Variants in OSBPL8 observed in about 807,000 individuals in gnomAD.
OSBPL8 encodes oxysterol-binding protein-related protein 8.
In OSBPL8, 59 loss-of-function variants were observed where a neutral mutation model predicts 125.5. The ratio of observed to expected loss-of-function variants is 0.47; its 90% CI spans 0.38 to 0.58. OSBPL8 has a LOEUF of 0.58. OSBPL8 is among the 20% of genes least tolerant of loss of function. The pLI is 0.00. For synonymous variants in OSBPL8, 330 were observed against 338.9 expected (o/e 0.97, Z 0.29); for missense variants, 758 against 1,047.8 (o/e 0.72, Z 3.82).
intron 17 of OSBPL8, among the ~76,000 whole-genome samples, chr12:76,375,044 C>CA (rs2136215411): frequency 6.6e-6 from 1 of 152,192 alleles, no homozygotes; most frequent in East Asian, 1.9e-4. Context: ...AGATGAAAAA[C>CA]AAAAAATGTC....
intron 4 of OSBPL8, among the ~76,000 whole-genome samples, chr12:76,433,356 T>C (rs1268437931): frequency 6.6e-6 from 1 of 152,052 alleles, no homozygotes; most frequent in Non-Finnish European, 1.5e-5. Flanking sequence ...GTTTTAAAAC[T>C]AATAAACAAA....
At chr12:76,356,162 T>TGGGGGGGGAGGGGGGGGG (rs1951977973) in intron 23 of OSBPL8, 141 bp from the exon 24 acceptor site, 1 of 131,834 alleles carries the variant, frequency 7.6e-6, no homozygotes, top group African/African-American at 3.4e-5. Flanking sequence ...TATGTAGGGG[T>TGGGGGGGGAGGGGGGGGG]GGGGGGGGGC....
rs370577195 is a variant in OSBPL8, at chr12:76,384,241, C to A, written c.1630+13G>T. The stretch of plus-strand genomic sequence containing the variant: ...TCCCAGGAGAGGGTGCAAGTTGGGA[C>A]GGGAAAACTCACCATAAAACTTAGA... On this transcript the variant is annotated intron_variant, in intron 15 of 23. Coordinates refer to ENST00000261183, the MANE Select transcript of OSBPL8 (RefSeq NM_020841.5). 2 of 1,440,180 alleles carry A rather than the reference C, an allele frequency of 1.4e-6. No homozygotes were observed. The highest frequency in any genetic ancestry group is 1.5e-5 in the South Asian group (1 of 67,344). The allele number at this position is 1,440,180 out of a possible 1,614,324, so 89.2% of individuals were successfully genotyped here.
At chr12:76,513,286 A>G (rs769785992) in intron 1 of OSBPL8, among the ~76,000 whole-genome samples, 3 of 152,202 alleles carry the variant, frequency 2.0e-5, no homozygotes, top group Admixed American at 6.5e-5. Context: ...CTGTGGTCCA[A>G]GAGCGTGTTT....
Position 76,378,561 on chromosome 12 carries a change from ATGT to A in OSBPL8, c.1631-14_1631-12del, listed in dbSNP as rs764757197. The A allele has an allele frequency of 1.9e-5, 30 of 1,546,484 alleles. No homozygotes were observed. The East Asian group carries it at 5.8e-4, about 30-fold the overall frequency. On this transcript the variant is annotated splice_polypyrimidine_tract_variant and intron_variant, in intron 15 of 23. Coordinates refer to ENST00000261183, the MANE Select transcript of OSBPL8 (RefSeq NM_020841.5). Reference sequence around the variant, plus strand: ...CAGATAATGAGTTTCCTGAAATAAAATGTTGTTTATTAAATTTCACAAAACTTA... The same window carrying A: ...CAGATAATGAGTTTCCTGAAATAAAATGTTTATTAAATTTCACAAAACTTA...
At chr12:76,461,245 TTAG>T (rs1874686325) in intron 2 of OSBPL8, among the ~76,000 whole-genome samples, 1 of 152,144 alleles carries the variant, frequency 6.6e-6, no homozygotes, top group Non-Finnish European at 1.5e-5. Flanking sequence ...TCTTCTGGGA[TTAG>T]ATTATAAAGA....
chr12:76,507,733 G>A (rs1592813365), intron 1 of OSBPL8, among the ~76,000 whole-genome samples: 1 of 151,226 alleles, frequency 6.6e-6, no homozygotes, highest in Non-Finnish European at 1.5e-5. Context: ...TGAGGCAGGA[G>A]AAATCACTTG....
intron 2 of OSBPL8, among the ~76,000 whole-genome samples, chr12:76,465,471 A>C (rs1875298826): frequency 6.6e-6 from 1 of 152,186 alleles, no homozygotes; most frequent in Middle Eastern, 3.4e-3. Context: ...TAGGCAGGAG[A>C]ATGGCATGAA....
rs201155062 is a variant in OSBPL8 at position 76,555,507 on chromosome 12, AAT to A, written c.-68+3888_-68+3889del. 2.9e-3 allele frequency among the ~76,000 whole-genome samples: 443 copies of A among 152,340 alleles called. 2 individuals carry two copies. Among genetic ancestry groups the A allele is most frequent in the African/African-American group, 0.01 (426 of 41,570 alleles). The stretch of plus-strand genomic sequence containing the variant: ...TTAGAGTTCATGATAAACGAATCAA[AAT>A]ATGTTTTAAAGATCTGCAGACAAAC... On this transcript the variant is annotated intron_variant, in intron 1 of 23. Transcript: ENST00000261183.
chr12:76,503,028 T>C (rs1048425110), intron 1 of OSBPL8, among the ~76,000 whole-genome samples: 1 of 152,136 alleles, frequency 6.6e-6, no homozygotes, highest in African/African-American at 2.4e-5. Flanking sequence ...ACAAGAAAAA[T>C]GAACATCACC....
chr12:76,548,482 T>A (rs1817505796), intron 1 of OSBPL8, among the ~76,000 whole-genome samples: 1 of 152,160 alleles, frequency 6.6e-6, no homozygotes, highest in Non-Finnish European at 1.5e-5. Context: ...TCCCATCCCC[T>A]ATTTCCAAGC....
intron 1 of OSBPL8, among the ~76,000 whole-genome samples, chr12:76,526,886 G>A (rs984023925): frequency 1.3e-5 from 2 of 151,624 alleles, no homozygotes; most frequent in Admixed American, 1.3e-4. Flanking sequence ...CCTGACCTCA[G>A]GTGATCCACC....
At chr12:76,448,361 C>G (rs550725067) in intron 4 of OSBPL8, among the ~76,000 whole-genome samples, 1 of 152,016 alleles carries the variant, frequency 6.6e-6, no homozygotes, top group African/African-American at 2.4e-5. Context: ...TCATTAACTC[C>G]TAAGTTAAAG....
intron 7 of OSBPL8, 37 bp from the exon 8 acceptor site, chr12:76,397,934 T>G: frequency 1.9e-6 from 3 of 1,588,436 alleles, no homozygotes; most frequent in Non-Finnish European, 2.6e-6. Context: ...AAGGAAGATC[T>G]GTTCTCCAAG....
chr12:76,486,682 T>A (rs1462520094), intron 2 of OSBPL8, among the ~76,000 whole-genome samples: 1 of 152,194 alleles, frequency 6.6e-6, no homozygotes. Context: ...TTGTTTAATT[T>A]CAGAATTCAA....
intron 10 of OSBPL8, among the ~76,000 whole-genome samples, chr12:76,392,128 T>G (rs185009983): frequency 1.7e-4 from 21 of 122,398 alleles, no homozygotes; most frequent in African/African-American, 6.8e-4. Flanking sequence ...ATAAATGAAT[T>G]TCACAAATAC....
At chr12:76,409,729 A>C (rs1362562452) in intron 5 of OSBPL8, among the ~76,000 whole-genome samples, 1 of 152,210 alleles carries the variant, frequency 6.6e-6, no homozygotes, top group Non-Finnish European at 1.5e-5. Context: ...AGTGGGAATA[A>C]TATTTATGTA....
Position 76,355,101 on chromosome 12 carries a change from A to G in OSBPL8, c.*788T>C, listed in dbSNP as rs971819377. ...GACTTAAGAAAAACAAAAATAAGAC[A>G]AAAGGACAGCAATCAATTTTGACCA... On this transcript the variant is annotated 3_prime_UTR_variant, in exon 24 of 24. Coordinates refer to ENST00000261183, the MANE Select transcript of OSBPL8 (RefSeq NM_020841.5). 6.6e-6 allele frequency: 1 copy of G among 152,528 alleles called. No homozygotes were observed. The highest frequency in any genetic ancestry group is 1.5e-5 in the Non-Finnish European group (1 of 67,920). The allele number at this position is 152,528 out of a possible 1,614,324, so 9.4% of individuals were successfully genotyped here.
In OSBPL8 at chr12:76,397,814, A is replaced by AT; in HGVS notation, c.551dup (p.Asn184LysfsTer14). The AT allele has an allele frequency of 6.2e-7, 1 of 1,614,014 alleles. No individual in the cohort carries two copies. Among genetic ancestry groups the AT allele is most frequent in the Non-Finnish European group, 8.5e-7 (1 of 1,179,956 alleles). ...GAAGAACTGTTCCTACCCACTGACC[A>AT]TTTTTTTGGGTTTTATAGATCAGTA... On this transcript the variant is annotated frameshift_variant, in exon 8 of 24. Coordinates refer to ENST00000261183, the MANE Select transcript of OSBPL8 (RefSeq NM_020841.5). LOFTEE classifies it high-confidence loss of function.
Sources: allele counts gnomAD v4.1 joint callset (sites outside exome capture counted in the v4.1 genomes callset), GRCh38; gene constraint gnomAD v4.1.1; transcripts MANE v1.5; gene names NCBI Gene and HGNC (gene_info 2026-07-23, HGNC 2026-07-21).